The following NUDT9 variants were observed in gnomAD, a reference collection of about 807,000 sequenced individuals.
NUDT9 encodes ADP-ribose pyrophosphatase.
Under a neutral mutation model 41.0 loss-of-function variants are expected in NUDT9, and 31 were observed. The ratio of observed to expected loss-of-function variants is 0.76; its 90% CI spans 0.57 to 1.02. The LOEUF (loss-of-function observed/expected upper bound fraction) is 1.02. NUDT9 is among the 50% of genes least tolerant of loss of function. The pLI, the probability that NUDT9 is intolerant of heterozygous loss-of-function variation, is 0.00. For missense variants in NUDT9, 380 were observed against 431.4 expected (o/e 0.88, Z 1.06); for synonymous variants, 146 against 147.6 (o/e 0.99, Z 0.08).
chr4:87,443,562 A>T (rs960919212), intron 4 of NUDT9, among the ~76,000 whole-genome samples: 6 of 152,364 alleles, frequency 3.9e-5, no homozygotes, highest in African/African-American at 1.4e-4. Flanking sequence ...TGAAGTAAGA[A>T]AACATGTTAA....
At chr4:87,433,541 G>T (rs940129963) in intron 1 of NUDT9, among the ~76,000 whole-genome samples, 1 of 152,192 alleles carries the variant, frequency 6.6e-6, no homozygotes, top group African/African-American at 2.4e-5. Flanking sequence ...TGGTCAAGTG[G>T]ATATTTGCCC....
chr4:87,454,307 A>G, intron 6 of NUDT9, 64 bp from the exon 7 acceptor site: 1 of 845,882 alleles, frequency 1.2e-6, no homozygotes. Flanking sequence ...TAGTGAAGGT[A>G]ACATGCTCTG....
At chr4:87,443,577 G>C (rs1444525676) in intron 4 of NUDT9, among the ~76,000 whole-genome samples, 1 of 152,166 alleles carries the variant, frequency 6.6e-6, no homozygotes, top group East Asian at 1.9e-4. Flanking sequence ...TGTTAAATGT[G>C]ATCAAATAAT....
intron 1 of NUDT9, among the ~76,000 whole-genome samples, chr4:87,429,369 G>A (rs1255851097): frequency 6.6e-6 from 1 of 152,012 alleles, no homozygotes; most frequent in Non-Finnish European, 1.5e-5. Context: ...ACCTAGGGTG[G>A]TCTTGAACTC....
intron 1 of NUDT9, among the ~76,000 whole-genome samples, chr4:87,434,607 TG>T (rs1461491222): frequency 6.6e-6 from 1 of 151,882 alleles, no homozygotes; most frequent in Admixed American, 6.6e-5. Context: ...AGTATGTTTT[TG>T]GGTCTTTGAA....
rs1045152380 is a variant in NUDT9 at position 87,448,996 on chromosome 4, A to G, written c.531-146A>G. 4 of 548,722 alleles carry G rather than the reference A, an allele frequency of 7.3e-6. No individual in the cohort carries two copies. The African/African-American group carries it at 7.6e-5, about 10-fold the overall frequency. The allele number at this position is 548,722 out of a possible 1,614,324, so 34.0% of individuals were successfully genotyped here. ...TATAGAATATTTCCAGTAAAAATCA[A>G]TAGTTTTAAATAAAACTAGCTGATT... On this transcript the variant is annotated intron_variant, in intron 4 of 7. Transcript: ENST00000302174.
In NUDT9 at chr4:87,449,026, A is replaced by G. The variant is rs1722592828; in HGVS notation, c.531-116A>G. On this transcript the variant is annotated intron_variant, in intron 4 of 7. Transcript: ENST00000302174. ...TTTAAATAAAACTAGCTGATTTGAG[A>G]TAAATTTATATATACTCTGCTTTAA... The G allele has an allele frequency of 5.0e-6, 3 of 595,012 alleles. No individual in the cohort carries two copies. In the Admixed American group the frequency reaches 9.0e-5, roughly 18 times the overall value. The allele number at this position is 595,012 out of a possible 1,614,324, so 36.9% of individuals were successfully genotyped here.
At chr4:87,454,278 A>G (rs1311827066) in intron 6 of NUDT9, 93 bp from the exon 7 acceptor site, 15 of 708,790 alleles carry the variant, frequency 2.1e-5, no homozygotes, top group Non-Finnish European at 3.4e-5. Context: ...GGGCAACAGG[A>G]TATTTACATT....
intron 5 of NUDT9, among the ~76,000 whole-genome samples, chr4:87,449,464 A>C (rs1722614965): frequency 6.6e-6 from 1 of 152,286 alleles, no homozygotes; most frequent in Admixed American, 6.5e-5. Context: ...TGTAATTCTG[A>C]CACCTTTGGG....
At chr4:87,456,890 C>CA (rs775348944) in intron 7 of NUDT9, among the ~76,000 whole-genome samples, 1 of 152,078 alleles carries the variant, frequency 6.6e-6, no homozygotes, top group Non-Finnish European at 1.5e-5. Context: ...GTGATTGTGC[C>CA]ACTGCACTTC....
chr4:87,445,737 AATG>A (rs1222290469), intron 4 of NUDT9, among the ~76,000 whole-genome samples: 6 of 152,226 alleles, frequency 3.9e-5, no homozygotes, highest in Non-Finnish European at 5.9e-5. Context: ...CGTCAATTAA[AATG>A]ATGTATTAGT....
intron 1 of NUDT9, among the ~76,000 whole-genome samples, chr4:87,430,036 G>A (rs954406258): frequency 6.6e-6 from 1 of 152,170 alleles, no homozygotes; most frequent in Admixed American, 6.5e-5. Flanking sequence ...TAAGGACTTT[G>A]AGATGGGGAG....
At chr4:87,434,898 C>A in intron 1 of NUDT9, 83 bp from the exon 2 acceptor site, 1 of 1,237,294 alleles carries the variant, frequency 8.1e-7, no homozygotes, top group Non-Finnish European at 1.1e-6. Context: ...GGATTACAGG[C>A]GTAAGCCACT....
intron 5 of NUDT9, among the ~76,000 whole-genome samples, chr4:87,450,537 C>A (rs1020634878): frequency 6.6e-6 from 1 of 151,850 alleles, no homozygotes; most frequent in Non-Finnish European, 1.5e-5. Flanking sequence ...CACCACCACA[C>A]CTAGCTAATT....
chr4:87,428,698 A>G (rs185675196), intron 1 of NUDT9, among the ~76,000 whole-genome samples: 14 of 151,998 alleles, frequency 9.2e-5, no homozygotes, highest in African/African-American at 3.4e-4. Context: ...CAGGAGTTGG[A>G]TGAATTGGGG....
At chr4:87,437,624 G>C (rs551613307) in intron 2 of NUDT9, among the ~76,000 whole-genome samples, 1 of 152,168 alleles carries the variant, frequency 6.6e-6, no homozygotes, top group East Asian at 1.9e-4. Flanking sequence ...TTACAGGCGT[G>C]AGCCACCATG....
intron 2 of NUDT9, among the ~76,000 whole-genome samples, chr4:87,437,124 C>T (rs1387900660): frequency 2.6e-5 from 4 of 151,490 alleles, no homozygotes; most frequent in African/African-American, 9.7e-5. Context: ...GTGGCATGTT[C>T]CTGTAGTCCC....
intron 3 of NUDT9, among the ~76,000 whole-genome samples, chr4:87,438,604 G>A (rs774192708): frequency 6.6e-6 from 1 of 152,102 alleles, no homozygotes; most frequent in African/African-American, 2.4e-5. Flanking sequence ...CAGAGGCAGC[G>A]TTTGAATGCA....
At chr4:87,430,263 C>A (rs567487087) in intron 1 of NUDT9, among the ~76,000 whole-genome samples, 2 of 152,300 alleles carry the variant, frequency 1.3e-5, no homozygotes, top group South Asian at 4.1e-4. Flanking sequence ...CTTGAGCCTC[C>A]AGAGAGGAAT....
Sources: gnomAD v4.1 joint callset for allele counts (sites outside exome capture counted in the v4.1 genomes callset) on GRCh38, gnomAD v4.1.1 for gene constraint, MANE v1.5 for transcripts, NCBI Gene and HGNC (gene_info 2026-07-23, HGNC 2026-07-21) for gene names.